Variants in ELAVL2 observed in about 807,000 individuals in gnomAD.
ELAVL2 encodes the protein ELAV-like protein 2.
A neutral mutation model predicts 34.6 loss-of-function variants in ELAVL2; 4 were observed. The observed-to-expected ratio is 0.12, with a 90% CI of 0.06 to 0.26. The LOEUF is 0.26. Among genes scored for constraint, ELAVL2 ranks in the 10% least tolerant of loss-of-function variants. The pLI is 1.00. For synonymous variants in ELAVL2, 193 were observed against 154.8 expected (o/e 1.25, Z -1.83); for missense variants, 432 against 442.8 (o/e 0.98, Z 0.22).
intron 1 of ELAVL2, among the ~76,000 whole-genome samples, chr9:23,788,960 G>A (rs538005494): frequency 1.3e-5 from 2 of 152,280 alleles, no homozygotes; most frequent in East Asian, 3.9e-4. Context: ...GTTGACTGCA[G>A]GTAACGGAAA....
At chr9:23,811,700 G>A (rs1332168577) in intron 1 of ELAVL2, among the ~76,000 whole-genome samples, 2 of 152,190 alleles carry the variant, frequency 1.3e-5, no homozygotes, top group Non-Finnish European at 2.9e-5. Flanking sequence ...AACTCTGGGG[G>A]AAACACCCAG....
chr9:23,831,612 C>G, the ELAVL2 span: 4 of 152,228 alleles, frequency 2.6e-5, no homozygotes, highest in East Asian at 3.9e-4. Context: ...TGCAATGCGC[C>G]AAACTTCACG....
At chr9:23,818,493 C>G (rs1022185449) in intron 1 of ELAVL2, among the ~76,000 whole-genome samples, 6 of 152,292 alleles carry the variant, frequency 3.9e-5, no homozygotes, top group African/African-American at 9.6e-5. Context: ...TCCCCCCACA[C>G]ACACTCAAAT....
rs544060740 is a variant in ELAVL2 at position 23,700,814 on chromosome 9, T to C, written c.713+565A>G. Among the ~76,000 whole-genome samples the C allele has an allele frequency of 3.4e-4, 51 of 151,788 alleles. 1 individual carries two copies. The South Asian group carries it at 0.01, about 30-fold the overall frequency. On this transcript the variant is annotated intron_variant, in intron 5 of 6. Transcript: ENST00000397312. Reference sequence around the variant, plus strand: ...GGTTATATACCCTTAATGGTGCACATACTATAAAGTGAAGTAACAGAAACA... The same window carrying C: ...GGTTATATACCCTTAATGGTGCACACACTATAAAGTGAAGTAACAGAAACA...
At chr9:23,701,259 A>G in intron 5 of ELAVL2, 120 bp downstream of exon 5, 3 of 1,084,404 alleles carry the variant, frequency 2.8e-6, no homozygotes, top group Middle Eastern at 2.1e-4. Context: ...ATTAATAGTA[A>G]TAAAACCAAC....
At chr9:23,771,241 T>G (rs1195070815) in intron 1 of ELAVL2, among the ~76,000 whole-genome samples, 1 of 152,142 alleles carries the variant, frequency 6.6e-6, no homozygotes, top group African/African-American at 2.4e-5. Flanking sequence ...AGGTGCTACA[T>G]TTTAATTACA....
At chr9:23,793,652 T>C (rs1379896087) in intron 1 of ELAVL2, among the ~76,000 whole-genome samples, 1 of 152,182 alleles carries the variant, frequency 6.6e-6, no homozygotes, top group Non-Finnish European at 1.5e-5. Flanking sequence ...CTTCGTAACC[T>C]ATACTGGATC....
At chr9:23,767,986 T>A (rs1015488319) in intron 1 of ELAVL2, among the ~76,000 whole-genome samples, 2 of 152,112 alleles carry the variant, frequency 1.3e-5, no homozygotes, top group African/African-American at 4.8e-5. Flanking sequence ...AGCCACTCCA[T>A]TGCCATGGTC....
chr9:23,719,510 T>C (rs1378954249), intron 3 of ELAVL2, among the ~76,000 whole-genome samples: 1 of 152,204 alleles, frequency 6.6e-6, no homozygotes, highest in African/African-American at 2.4e-5. Context: ...TAATTCATTT[T>C]TGCAACTCTG....
At chr9:23,732,742 C>T (rs2046894369) in intron 2 of ELAVL2, among the ~76,000 whole-genome samples, 2 of 152,242 alleles carry the variant, frequency 1.3e-5, no homozygotes, top group Non-Finnish European at 2.9e-5. Context: ...TACTGGCTCG[C>T]AGTTAGCTGT....
upstream of ELAVL2, among the ~76,000 whole-genome samples, chr9:23,827,148 C>T (rs2065344181): frequency 2.0e-5 from 3 of 152,196 alleles, no homozygotes; most frequent in Non-Finnish European, 4.4e-5. Flanking sequence ...CTGGAACAAG[C>T]CACTCCTCTG....
chr9:23,809,942 A>G (rs1052516295), intron 1 of ELAVL2, among the ~76,000 whole-genome samples: 3 of 152,190 alleles, frequency 2.0e-5, no homozygotes, highest in African/African-American at 7.2e-5. Flanking sequence ...TCCAATTTGG[A>G]TATCAAACAT....
At position 23,737,974 on chromosome 9, in the gene ELAVL2, G is replaced by C. The variant is rs529726464; in HGVS notation, c.230-6849C>G. Among the ~76,000 whole-genome samples, 10 of 152,288 alleles carry C rather than the reference G, an allele frequency of 6.6e-5. No homozygotes were observed. The South Asian group carries it at 2.1e-3, about 32-fold the overall frequency. On this transcript the variant is annotated intron_variant, in intron 2 of 6. Coordinates refer to ENST00000397312, the MANE Select transcript of ELAVL2 (RefSeq NM_004432.5). ...AAAACAAGTTTTCGTTACAAAGGGG[G>C]AAAATTTTTGTTTTTAATAAAGACC...
intron 1 of ELAVL2, among the ~76,000 whole-genome samples, chr9:23,774,682 C>T (rs1285603973): frequency 7.9e-6 from 1 of 126,508 alleles, no homozygotes; most frequent in Non-Finnish European, 1.6e-5. Context: ...TAAAAATACA[C>T]ATCTCCCATC....
chr9:23,820,464 T>C (rs1196831828), intron 1 of ELAVL2, among the ~76,000 whole-genome samples: 1 of 152,194 alleles, frequency 6.6e-6, no homozygotes, highest in Non-Finnish European at 1.5e-5. Flanking sequence ...TCAGAAAATG[T>C]AGAGACGATA....
chr9:23,751,433 G>T (rs2052002332), intron 2 of ELAVL2, among the ~76,000 whole-genome samples: 1 of 152,100 alleles, frequency 6.6e-6, no homozygotes, highest in Non-Finnish European at 1.5e-5. Flanking sequence ...AAATGCTTTA[G>T]ATGTTTTCAA....
intron 1 of ELAVL2, among the ~76,000 whole-genome samples, chr9:23,796,094 T>C (rs1358590329): frequency 6.6e-6 from 1 of 152,244 alleles, no homozygotes; most frequent in East Asian, 1.9e-4. Context: ...AACAGTAATA[T>C]ACTTCTGCAA....
chr9:23,733,861 C>T (rs2047196387), intron 2 of ELAVL2, among the ~76,000 whole-genome samples: 1 of 152,130 alleles, frequency 6.6e-6, no homozygotes, highest in Non-Finnish European at 1.5e-5. Context: ...AAGACCCAAC[C>T]ATCAAATGGG....
chr9:23,765,601 A>C (rs954622956), intron 1 of ELAVL2, among the ~76,000 whole-genome samples: 1 of 152,116 alleles, frequency 6.6e-6, no homozygotes, highest in African/African-American at 2.4e-5. Flanking sequence ...TTATACTATA[A>C]ATGATCCTTA....
Sources: gnomAD v4.1 joint callset for allele counts (sites outside exome capture counted in the v4.1 genomes callset) on GRCh38, gnomAD v4.1.1 for gene constraint, MANE v1.5 for transcripts, NCBI Gene and HGNC (gene_info 2026-07-23, HGNC 2026-07-21) for gene names.